Variants in PCDH15 observed in about 807,000 individuals in gnomAD.
The protein encoded by PCDH15 is protocadherin related 15, also known as protocadherin-15.
A neutral mutation model predicts 178.5 loss-of-function variants in PCDH15; 129 were observed. That is an observed-to-expected ratio of 0.72 (90% CI 0.63 to 0.84). PCDH15 has a LOEUF of 0.84. Among genes scored for constraint, PCDH15 ranks in the 40% least tolerant of loss-of-function variants. The probability of loss-of-function intolerance (pLI) is 0.00; values close to 1 mark genes in which losing one functional copy is unlikely to be tolerated. For synonymous variants in PCDH15, 800 were observed against 732.0 expected, an observed-to-expected ratio of 1.09 and a Z score of -1.50; for missense variants, 2,230 against 2,099.9, an observed-to-expected ratio of 1.06 and a Z score of -1.21.
At chr10:54,153,078 C>A in intron 14 of PCDH15, 22 bp downstream of exon 14, 1 of 1,613,240 alleles carries the variant, frequency 6.2e-7, no homozygotes, top group Non-Finnish European at 8.5e-7. Context: ...GAAAAGACTG[C>A]ATTGGTTCTA....
At chr10:55,052,004 T>A (rs573237855) in intron 2 of PCDH15, among the ~76,000 whole-genome samples, 1 of 152,000 alleles carries the variant, frequency 6.6e-6, no homozygotes, top group South Asian at 2.1e-4. Context: ...GTGAGGATAC[T>A]GTAAAAGATA....
chr10:55,026,169 CA>C (rs745922782), intron 2 of PCDH15, among the ~76,000 whole-genome samples: 22 of 151,930 alleles, frequency 1.4e-4, no homozygotes, highest in Admixed American at 3.9e-4. Flanking sequence ...ACAGGATTCA[CA>C]TTTCTGAACA....
rs191258374 is a variant in PCDH15 at position 55,268,498 on chromosome 10, A to G, written c.-156+51101T>C. 1.3e-3 allele frequency among the ~76,000 whole-genome samples: 194 copies of G among 152,262 alleles called. 1 individual carries two copies. The highest frequency in any genetic ancestry group is 6.8e-3 in the Middle Eastern group (2 of 294). ...TAACATATAGTTCATATTGTTGACA[A>G]TGGTTGCTTTCAAGGAAATTAGCAT... On this transcript the variant is annotated intron_variant, in intron 1 of 5. Transcript: ENST00000458638.
intron 3 of PCDH15, among the ~76,000 whole-genome samples, chr10:54,494,589 T>C (rs1212894231): frequency 2.0e-5 from 3 of 152,154 alleles, no homozygotes; most frequent in Admixed American, 6.6e-5. Context: ...TGCTCTATGA[T>C]GCAGCCAATC....
chr10:55,613,195 T>C (rs1170427711), intron 2 of PCDH15, among the ~76,000 whole-genome samples: 1 of 151,976 alleles, frequency 6.6e-6, no homozygotes, highest in Admixed American at 6.6e-5. Flanking sequence ...AACCACCTTC[T>C]CTTTACCTTC....
In PCDH15 at chr10:55,168,725, A is replaced by T. The variant is rs142411231; in HGVS notation, c.-155-2074T>A. On this transcript the variant is annotated intron_variant, in intron 1 of 5. Coordinates refer to the PCDH15 transcript ENST00000458638. ...GCATTTAATGCCTTCAGGTCAGGGGATAAAAGATGAATGAAAGATTATCTT... is the reference window on the plus strand; with the variant it reads ...GCATTTAATGCCTTCAGGTCAGGGGTTAAAAGATGAATGAAAGATTATCTT... Among the ~76,000 whole-genome samples, 479 of 152,314 alleles carry T rather than the reference A, an allele frequency of 3.1e-3. 1 individual carries two copies. The highest frequency in any genetic ancestry group is 0.02 in the South Asian group (98 of 4,828).
At chr10:53,824,568 C>T (rs2076545231) in intron 32 of PCDH15, among the ~76,000 whole-genome samples, 1 of 152,052 alleles carries the variant, frequency 6.6e-6, no homozygotes, top group Admixed American at 6.6e-5. Flanking sequence ...CACAGGTAGA[C>T]CTGGAGCATC....
chr10:55,611,551 A>G (rs531957930), intron 2 of PCDH15, among the ~76,000 whole-genome samples: 50 of 152,178 alleles, frequency 3.3e-4, no homozygotes, highest in African/African-American at 1.1e-3. Flanking sequence ...TAAAATGTTG[A>G]TGGGAATGTA....
intron 14 of PCDH15, among the ~76,000 whole-genome samples, chr10:54,139,711 T>TTATC (rs2043215178): frequency 6.6e-6 from 1 of 152,134 alleles, no homozygotes; most frequent in South Asian, 2.1e-4. Context: ...AGTTCAGAAG[T>TTATC]TATCTAAAGG....
intron 1 of PCDH15, among the ~76,000 whole-genome samples, chr10:54,788,924 T>C (rs373872282): frequency 3.3e-5 from 5 of 152,008 alleles, no homozygotes; most frequent in African/African-American, 1.2e-4. Context: ...TCTAATTCTT[T>C]ATAGAATCAA....
At chr10:54,757,615 A>T (rs973485504) in intron 1 of PCDH15, among the ~76,000 whole-genome samples, 1 of 152,174 alleles carries the variant, frequency 6.6e-6, no homozygotes, top group African/African-American at 2.4e-5. Context: ...TTTCCTTTAG[A>T]AAACTACTTC....
At position 54,853,310 on chromosome 10, in the gene PCDH15, T is replaced by TACACATATACAC. The variant is rs1453779024; in HGVS notation, c.-29+44139_-29+44140insGTGTATATGTGT. On this transcript the variant is annotated intron_variant, in intron 3 of 5. Transcript: ENST00000458638. ...GTGTGTATATATATATATATATATA[T>TACACATATACAC]ATATATATACATACACACACATATA... 8.1e-5 allele frequency among the ~76,000 whole-genome samples: 8 copies of TACACATATACAC among 99,146 alleles called. No homozygotes were observed. The East Asian group carries it at 1.4e-3, about 18-fold the overall frequency. The allele number at this position is 99,146 out of a possible 152,430, so 65.0% of individuals were successfully genotyped here. A position where few individuals can be genotyped will look rare whatever the true frequency, so the allele number is the denominator to read the frequency against.
chr10:54,463,633 C>T (rs1326134313), intron 3 of PCDH15, among the ~76,000 whole-genome samples: 1 of 152,078 alleles, frequency 6.6e-6, no homozygotes, highest in East Asian at 1.9e-4. Flanking sequence ...GGTATAAACA[C>T]TTCTACCAGA....
Position 54,022,952 on chromosome 10 carries a change from T to C in PCDH15, c.2466A>G (p.Ser822=). ...IDDNSPVFTN[S]TYTVLVEENL... is the part of the protein sequence containing the mutation. ...TCTCTTCAACAAGGACAGTGTATGT[T>C]GAATTGGTGAACACAGGACTGTTAT... The change falls in exon 19 of 38, where the codon TCA becomes TCG. Residue 822 remains serine, a synonymous_variant. Transcript: ENST00000644397. 1 of 1,613,992 alleles carries C rather than the reference T, an allele frequency of 6.2e-7. No homozygotes were observed. Among genetic ancestry groups the C allele is most frequent in the Non-Finnish European group, 8.5e-7 (1 of 1,179,890 alleles).
At chr10:55,583,051 GATTT>G (rs1378354331) in intron 2 of PCDH15, among the ~76,000 whole-genome samples, 1 of 152,016 alleles carries the variant, frequency 6.6e-6, no homozygotes, top group Non-Finnish European at 1.5e-5. Flanking sequence ...ATAACATCAA[GATTT>G]ATTTACATTT....
chr10:54,075,334 G>A (rs574542830), intron 17 of PCDH15, among the ~76,000 whole-genome samples: 21 of 151,922 alleles, frequency 1.4e-4, no homozygotes, highest in East Asian at 7.8e-4. Flanking sequence ...CCGAGATCGC[G>A]CCACTGCACT....
intron 2 of PCDH15, among the ~76,000 whole-genome samples, chr10:55,348,051 G>T (rs557381770): frequency 2.0e-5 from 3 of 152,042 alleles, no homozygotes; most frequent in Non-Finnish European, 2.9e-5. Context: ...AAATTTCCAT[G>T]AGTATTTTTA....
At chr10:53,993,206 G>C (rs957720141) in intron 21 of PCDH15, among the ~76,000 whole-genome samples, 3 of 152,108 alleles carry the variant, frequency 2.0e-5, no homozygotes, top group African/African-American at 7.2e-5. Flanking sequence ...ACTAAGTCTT[G>C]GAGATATTAA....
At chr10:54,131,542 C>T (rs1219430934) in intron 15 of PCDH15, among the ~76,000 whole-genome samples, 3 of 151,878 alleles carry the variant, frequency 2.0e-5, no homozygotes, top group Admixed American at 2.0e-4. Context: ...CATGAAAATC[C>T]TCCAAATTTC....
Sources: gnomAD v4.1 joint callset for allele counts (sites outside exome capture counted in the v4.1 genomes callset) on GRCh38, gnomAD v4.1.1 for gene constraint, MANE v1.5 for transcripts, NCBI Gene and HGNC (gene_info 2026-07-23, HGNC 2026-07-21) for gene names.